The following PALLD variants were observed in gnomAD, a reference collection of about 807,000 sequenced individuals.
The protein encoded by PALLD is palladin, cytoskeletal associated protein, also known as palladin.
A neutral mutation model predicts 123.5 loss-of-function variants in PALLD; 61 were observed. That is an observed-to-expected ratio of 0.49 (90% CI 0.40 to 0.61). The LOEUF is 0.61. PALLD is among the 20% of genes least tolerant of loss of function. The pLI is 0.00. For synonymous variants in PALLD, 465 were observed against 496.4 expected (o/e 0.94, Z 0.84); for missense variants, 1,273 against 1,377.0 (o/e 0.92, Z 1.20).
At chr4:168,651,888 G>A (rs1326262022) in intron 2 of PALLD, among the ~76,000 whole-genome samples, 1 of 152,130 alleles carries the variant, frequency 6.6e-6, no homozygotes, top group African/African-American at 2.4e-5. Flanking sequence ...AAAGTGAATA[G>A]CTAAAAATAG....
intron 10 of PALLD, among the ~76,000 whole-genome samples, chr4:168,761,645 GTTTTTTTTTTTTTTTTTTT>G (rs70961555): frequency 1.1e-5 from 1 of 88,024 alleles, no homozygotes; most frequent in Non-Finnish European, 2.2e-5. Flanking sequence ...GTTGTTGTTT[GTTTTTTTTTTTTTTTTTTT>G]TTTTTTTTTT....
At chr4:168,653,376 G>A (rs1193025146) in intron 2 of PALLD, among the ~76,000 whole-genome samples, 2 of 152,200 alleles carry the variant, frequency 1.3e-5, no homozygotes, top group Non-Finnish European at 2.9e-5. Context: ...TTACATATAG[G>A]ATGGACCTCT....
chr4:168,731,307 A>T (rs1341353428), intron 10 of PALLD, among the ~76,000 whole-genome samples: 1 of 152,220 alleles, frequency 6.6e-6, no homozygotes, highest in Non-Finnish European at 1.5e-5. Context: ...AGTGGATGTC[A>T]ATTTATGAGA....
At chr4:168,661,504 T>C (rs745785717) in intron 2 of PALLD, among the ~76,000 whole-genome samples, 7 of 152,238 alleles carry the variant, frequency 4.6e-5, no homozygotes, top group Non-Finnish European at 1.0e-4. Flanking sequence ...ACAAGGTAAT[T>C]TTCATACGCT....
rs79252389 is a variant in PALLD at position 168,714,625 on chromosome 4, G to C, written c.1964+2702G>C. ...GGTCAGCAATGAAAAACTATGGTTT[G>C]CTCAAATCTTCTTTTCATCGGTTTA... On this transcript the variant is annotated intron_variant, in intron 10 of 21. Coordinates refer to ENST00000505667, the MANE Select transcript of PALLD (RefSeq NM_001166108.2). Among the ~76,000 whole-genome samples, 729 of 152,176 alleles carry C rather than the reference G, an allele frequency of 4.8e-3. 15 individuals are homozygous for C. The East Asian group carries it at 0.07, about 15-fold the overall frequency.
chr4:168,815,965 G>A (rs886939035), intron 10 of PALLD, among the ~76,000 whole-genome samples: 1 of 152,174 alleles, frequency 6.6e-6, no homozygotes, highest in Non-Finnish European at 1.5e-5. Flanking sequence ...ATTGCAAGAG[G>A]ATTAAAACCT....
intron 15 of PALLD, among the ~76,000 whole-genome samples, chr4:168,909,992 A>G (rs975622387): frequency 2.6e-5 from 4 of 152,178 alleles, no homozygotes; most frequent in Non-Finnish European, 5.9e-5. Flanking sequence ...TCAAACTAAT[A>G]ATTCTGCCTC....
intron 10 of PALLD, among the ~76,000 whole-genome samples, chr4:168,818,794 GC>G (rs1242473064): frequency 6.6e-6 from 1 of 152,132 alleles, no homozygotes; most frequent in Non-Finnish European, 1.5e-5. Flanking sequence ...ATATTATGCA[GC>G]AATTAAAACT....
At chr4:168,685,010 C>A (rs1781892972) in intron 5 of PALLD, among the ~76,000 whole-genome samples, 1 of 152,098 alleles carries the variant, frequency 6.6e-6, no homozygotes, top group Non-Finnish European at 1.5e-5. Context: ...AAAAAAAATT[C>A]TTTTCTCTCC....
intron 2 of PALLD, among the ~76,000 whole-genome samples, chr4:168,612,569 A>G (rs1455375767): frequency 6.6e-6 from 1 of 152,194 alleles, no homozygotes; most frequent in Non-Finnish European, 1.5e-5. Context: ...ACAGCTGTGC[A>G]TTGTTCTTTA....
intron 10 of PALLD, among the ~76,000 whole-genome samples, chr4:168,876,447 G>A (rs935371213): frequency 6.6e-6 from 1 of 152,186 alleles, no homozygotes; most frequent in Non-Finnish European, 1.5e-5. Context: ...AGTATTTGAT[G>A]CTCTGTACAT....
intron 2 of PALLD, chr4:168,654,782 G>A (rs1778394869): frequency 6.6e-6 from 1 of 152,190 alleles, no homozygotes; most frequent in Non-Finnish European, 1.5e-5. Context: ...AGCCTTCTTG[G>A]ACAACAGCTC....
At chr4:168,598,351 T>C (rs1039421878) in intron 2 of PALLD, 35 of 559,644 alleles carry the variant, frequency 6.3e-5, no homozygotes, top group Non-Finnish European at 1.1e-4. Context: ...AGACTTGCCA[T>C]GGGAACTGTT....
chr4:168,759,202 AATATATATATATATATATATATAT>A (rs147474708), intron 10 of PALLD, among the ~76,000 whole-genome samples: 1,059 of 22,336 alleles, frequency 0.047, 132 homozygotes, highest in South Asian at 0.1. Context: ...AAAAAAAAAA[AATATATATATATATATATATATAT>A]ATATATATAT....
intron 2 of PALLD, among the ~76,000 whole-genome samples, chr4:168,665,686 C>T (rs1048549345): frequency 2.6e-5 from 4 of 152,200 alleles, no homozygotes; most frequent in African/African-American, 7.2e-5. Context: ...TTAAAGTGCA[C>T]ATGATCACCT....
chr4:168,895,711 C>T (rs1019503723), intron 12 of PALLD, among the ~76,000 whole-genome samples: 1 of 152,046 alleles, frequency 6.6e-6, no homozygotes, highest in African/African-American at 2.4e-5. Flanking sequence ...GTTGCAGAAG[C>T]GGAAGAAAAT....
rs1305752518 is a variant in PALLD at position 168,928,280 on chromosome 4, G to C, written c.*2100G>C. 1 of 182,294 alleles carries C rather than the reference G, an allele frequency of 5.5e-6. No individual in the cohort carries two copies. The allele number at this position is 182,294 out of a possible 1,614,324, so 11.3% of individuals were successfully genotyped here. On this transcript the variant is annotated 3_prime_UTR_variant, in exon 22 of 22. Coordinates refer to ENST00000505667, the MANE Select transcript of PALLD (RefSeq NM_001166108.2). Reference sequence around the variant, plus strand: ...TGACCTTTTTTTGCTGATTTGCTGGGTTTGGGATTAACTAGCATTATTTTG... The same window carrying C: ...TGACCTTTTTTTGCTGATTTGCTGGCTTTGGGATTAACTAGCATTATTTTG...
chr4:168,886,942 C>G (rs1644102453), intron 10 of PALLD, among the ~76,000 whole-genome samples: 1 of 151,656 alleles, frequency 6.6e-6, no homozygotes, highest in Non-Finnish European at 1.5e-5. Flanking sequence ...CATGGTGAAA[C>G]CCCATCTCTA....
At chr4:168,632,140 A>T (rs1259062546) in intron 2 of PALLD, among the ~76,000 whole-genome samples, 4 of 77,534 alleles carry the variant, frequency 5.2e-5, no homozygotes, top group South Asian at 4.2e-4. Context: ...AGGGTGGGGG[A>T]GGGGAGAAAG....
Sources: allele counts gnomAD v4.1 joint callset (sites outside exome capture counted in the v4.1 genomes callset), GRCh38; gene constraint gnomAD v4.1.1; transcripts MANE v1.5; gene names NCBI Gene and HGNC (gene_info 2026-07-23, HGNC 2026-07-21).